GRM5: variants seen among roughly 807,000 people sequenced by gnomAD.
The protein encoded by GRM5 is metabotropic glutamate receptor 5.
In GRM5, 19 loss-of-function variants were observed where a neutral mutation model predicts 83.1. The ratio of observed to expected loss-of-function variants is 0.23; its 90% CI spans 0.16 to 0.34. The LOEUF is 0.34. GRM5 is among the 10% of genes least tolerant of loss of function. The probability of loss-of-function intolerance (pLI) is 1.00; values close to 1 mark genes in which losing one functional copy is unlikely to be tolerated. For synonymous variants in GRM5, 675 were observed against 633.6 expected (o/e 1.07, Z -0.98); for missense variants, 1,160 against 1,588.3 (o/e 0.73, Z 4.58).
chr11:89,065,285 A>AAC (rs1228422098), intron 1 of GRM5, among the ~76,000 whole-genome samples: 1 of 65,678 alleles, frequency 1.5e-5, no homozygotes, highest in Non-Finnish European at 4.0e-5. Context: ...ATGTATTGGC[A>AAC]TCACACACAC....
chr11:88,608,427 A>G (rs1400942745), intron 4 of GRM5, among the ~76,000 whole-genome samples: 1 of 151,904 alleles, frequency 6.6e-6, no homozygotes, highest in Non-Finnish European at 1.5e-5. Flanking sequence ...ACCAACACCT[A>G]ACATATTTTA....
At chr11:88,763,074 A>T (rs6483448) in intron 3 of GRM5, among the ~76,000 whole-genome samples, 109,769 of 151,738 alleles carry the variant, frequency 0.72, 40,138 homozygotes, top group African/African-American at 0.75. Context: ...GATGAGTACT[A>T]GGTTTAACAC....
rs184047726 is a variant in GRM5, at chr11:88,889,350, A to G, written c.662-39195T>C. Among the ~76,000 whole-genome samples, 7 of 152,126 alleles carry G rather than the reference A, an allele frequency of 4.6e-5. No individual in the cohort carries two copies. In the East Asian group the frequency reaches 1.4e-3, roughly 29 times the overall value. On this transcript the variant is annotated intron_variant, in intron 2 of 9. Transcript: ENST00000305447. ...CCAGGGATGGACAAGGACAGCTCGC[A>G]GGCTTGAAAAAAAATAGAGTTCTTT...
intron 3 of GRM5, among the ~76,000 whole-genome samples, chr11:88,779,635 C>A (rs965463993): frequency 6.6e-6 from 1 of 151,960 alleles, no homozygotes; most frequent in Non-Finnish European, 1.5e-5. Flanking sequence ...ACCCTCATAC[C>A]CACCCACGCA....
At chr11:88,711,592 T>G (rs1252617358) in intron 3 of GRM5, among the ~76,000 whole-genome samples, 2 of 152,084 alleles carry the variant, frequency 1.3e-5, no homozygotes, top group African/African-American at 4.8e-5. Context: ...GTTGGCTAAG[T>G]AACCATAAAC....
chr11:88,895,129 G>A (rs316097), intron 2 of GRM5, among the ~76,000 whole-genome samples: 95,127 of 151,618 alleles, frequency 0.63, 30,147 homozygotes, highest in Admixed American at 0.73. Flanking sequence ...TATATTGTAA[G>A]CCCTATTGAA....
intron 3 of GRM5, among the ~76,000 whole-genome samples, chr11:88,667,720 C>T (rs979760679): frequency 4.6e-5 from 7 of 151,878 alleles, no homozygotes; most frequent in African/African-American, 9.7e-5. Context: ...GGTGAAACAC[C>T]GTCTCTACTT....
At chr11:88,894,459 C>T (rs968307096) in intron 2 of GRM5, among the ~76,000 whole-genome samples, 2 of 151,992 alleles carry the variant, frequency 1.3e-5, no homozygotes, top group African/African-American at 2.4e-5. Flanking sequence ...TGGGTTTATA[C>T]CACAGACAAT....
chr11:88,548,764 G>C (rs1942436492), intron 8 of GRM5, among the ~76,000 whole-genome samples: 1 of 152,330 alleles, frequency 6.6e-6, no homozygotes, highest in African/African-American at 2.4e-5. Context: ...CACTTGGAAA[G>C]TTGACTTATT....
At chr11:88,693,887 G>T (rs1432229321) in intron 3 of GRM5, among the ~76,000 whole-genome samples, 3 of 152,164 alleles carry the variant, frequency 2.0e-5, no homozygotes, top group Non-Finnish European at 4.4e-5. Flanking sequence ...ATGGTGAGAG[G>T]GAAGGAAGGA....
At chr11:88,588,181 A>C (rs1943358230) in intron 7 of GRM5, among the ~76,000 whole-genome samples, 1 of 152,172 alleles carries the variant, frequency 6.6e-6, no homozygotes, top group African/African-American at 2.4e-5. Context: ...TGTTGTTTTA[A>C]AGAAGTGTTA....
At chr11:88,576,201 TCTC>T (rs955715475) in intron 7 of GRM5, among the ~76,000 whole-genome samples, 3 of 152,162 alleles carry the variant, frequency 2.0e-5, no homozygotes, top group African/African-American at 7.2e-5. Flanking sequence ...CTAGCTAACT[TCTC>T]CTTATTCTTC....
chr11:89,000,872 C>T (rs1380723505), intron 2 of GRM5, among the ~76,000 whole-genome samples: 1 of 151,640 alleles, frequency 6.6e-6, no homozygotes, highest in Non-Finnish European at 1.5e-5. Context: ...AAAGAATGCT[C>T]ATTAGTATAT....
At chr11:89,024,138 C>T (rs1428901580) in intron 2 of GRM5, among the ~76,000 whole-genome samples, 1 of 152,078 alleles carries the variant, frequency 6.6e-6, no homozygotes, top group African/African-American at 2.4e-5. Flanking sequence ...ATCATTTGAA[C>T]CTGGGAGGCA....
intron 3 of GRM5, among the ~76,000 whole-genome samples, chr11:88,710,957 C>T (rs995506605): frequency 1.3e-5 from 2 of 152,048 alleles, no homozygotes; most frequent in African/African-American, 4.8e-5. Context: ...TGGTATTTAT[C>T]TCATTCCCTG....
At chr11:88,836,243 A>T (rs189846019) in intron 3 of GRM5, among the ~76,000 whole-genome samples, 1 of 152,222 alleles carries the variant, frequency 6.6e-6, no homozygotes, top group Non-Finnish European at 1.5e-5. Context: ...AAACTGTTCA[A>T]TTCTGCTATT....
Position 88,596,405 on chromosome 11 carries a change from C to T in GRM5, c.1563+779G>A, listed in dbSNP as rs114096909. The stretch of plus-strand genomic sequence containing the variant: ...CCAGCATCTTGGTCAAAATTATTCT[C>T]TGACTCCAGTTTAATAAAAATTAAG... On this transcript the variant is annotated intron_variant, in intron 6 of 9. Coordinates refer to ENST00000305447, the MANE Select transcript of GRM5 (RefSeq NM_001143831.3). 1.0e-2 allele frequency among the ~76,000 whole-genome samples: 1,519 copies of T among 152,236 alleles called. 25 individuals are homozygous for T. Among genetic ancestry groups the T allele is most frequent in the African/African-American group, 0.035 (1,435 of 41,546 alleles).
chr11:88,932,129 A>G (rs928639737), intron 2 of GRM5, among the ~76,000 whole-genome samples: 1 of 152,070 alleles, frequency 6.6e-6, no homozygotes, highest in African/African-American at 2.4e-5. Flanking sequence ...TACTGAGTTT[A>G]TAGTTCAACA....
chr11:89,063,832 G>A (rs1479640764), intron 1 of GRM5, among the ~76,000 whole-genome samples: 2 of 152,176 alleles, frequency 1.3e-5, no homozygotes, highest in Admixed American at 1.3e-4. Context: ...GGGTGAATCT[G>A]GATGGGTAGA....
Sources: gnomAD v4.1 joint callset for allele counts (sites outside exome capture counted in the v4.1 genomes callset) on GRCh38, gnomAD v4.1.1 for gene constraint, MANE v1.5 for transcripts, NCBI Gene and HGNC (gene_info 2026-07-23, HGNC 2026-07-21) for gene names.